NKAIN2: variants seen among roughly 807,000 people sequenced by gnomAD.
The protein encoded by NKAIN2 is sodium/potassium transporting ATPase interacting 2.
A neutral mutation model predicts 32.6 loss-of-function variants in NKAIN2; 14 were observed. The observed-to-expected ratio is 0.43, with a 90% CI of 0.28 to 0.67. The LOEUF (loss-of-function observed/expected upper bound fraction) is 0.67, where lower values mean the gene tolerates loss of function less well. Among genes scored for constraint, NKAIN2 ranks in the 30% least tolerant of loss-of-function variants. NKAIN2 has a pLI of 0.17. For missense variants in NKAIN2, 198 were observed against 258.3 expected, an observed-to-expected ratio of 0.77 and a Z score of 1.60; for synonymous variants, 80 against 87.2, an observed-to-expected ratio of 0.92 and a Z score of 0.46.
At chr6:124,815,659 A>G (rs1458231231) in intron 5 of NKAIN2, among the ~76,000 whole-genome samples, 1 of 144,130 alleles carries the variant, frequency 6.9e-6, no homozygotes, top group Non-Finnish European at 1.6e-5. Flanking sequence ...CTAAGGTACA[A>G]TGTAGAAGAC....
chr6:123,863,508 C>T (rs953971312), intron 1 of NKAIN2, among the ~76,000 whole-genome samples: 59 of 152,186 alleles, frequency 3.9e-4, no homozygotes, highest in Non-Finnish European at 5.6e-4. Flanking sequence ...CTCAGCCCTT[C>T]TTGGAGTTTC....
At chr6:124,226,983 C>A (rs1792148590) in intron 1 of NKAIN2, among the ~76,000 whole-genome samples, 1 of 151,302 alleles carries the variant, frequency 6.6e-6, no homozygotes, top group African/African-American at 2.4e-5. Context: ...CTCTATCTCA[C>A]AGGTGAAGCT....
At chr6:124,718,345 G>A (rs1171411533) in intron 4 of NKAIN2, among the ~76,000 whole-genome samples, 1 of 152,058 alleles carries the variant, frequency 6.6e-6, no homozygotes, top group Admixed American at 6.6e-5. Flanking sequence ...TGTCTTTAGT[G>A]ACTGGCTTCT....
chr6:124,808,100 T>C (rs548273607), intron 5 of NKAIN2, among the ~76,000 whole-genome samples: 92 of 151,612 alleles, frequency 6.1e-4, no homozygotes, highest in Non-Finnish European at 1.3e-3. Context: ...TTCCAATCAA[T>C]AGAAAAAGAG....
At chr6:124,106,942 A>C (rs78016440) in intron 1 of NKAIN2, among the ~76,000 whole-genome samples, 4,342 of 152,288 alleles carry the variant, frequency 0.029, 205 homozygotes, top group African/African-American at 0.097. Flanking sequence ...ACCATATTAG[A>C]GATAGGCACT....
intron 3 of NKAIN2, among the ~76,000 whole-genome samples, chr6:124,542,708 C>T (rs1313589163): frequency 6.6e-6 from 1 of 152,126 alleles, no homozygotes; most frequent in Non-Finnish European, 1.5e-5. Flanking sequence ...TCTTTAAAGG[C>T]TCTTTACAGA....
At chr6:124,226,160 T>C (rs749401192) in intron 1 of NKAIN2, among the ~76,000 whole-genome samples, 7 of 152,048 alleles carry the variant, frequency 4.6e-5, no homozygotes, top group Non-Finnish European at 8.8e-5. Flanking sequence ...TTTGTATTTT[T>C]TTCCTATGTA....
intron 1 of NKAIN2, among the ~76,000 whole-genome samples, chr6:124,224,519 G>A (rs1432136279): frequency 6.6e-6 from 1 of 151,946 alleles, no homozygotes; most frequent in African/African-American, 2.4e-5. Flanking sequence ...CCCAGAAATA[G>A]CCTAGATACA....
At chr6:123,805,279 A>G (rs1406779425) in intron 1 of NKAIN2, among the ~76,000 whole-genome samples, 1 of 152,254 alleles carries the variant, frequency 6.6e-6, no homozygotes, top group Non-Finnish European at 1.5e-5. Flanking sequence ...ACTACAAGGC[A>G]GAAGATGTTT....
intron 1 of NKAIN2, among the ~76,000 whole-genome samples, chr6:124,161,655 G>T (rs191155786): frequency 9.8e-4 from 149 of 152,194 alleles, no homozygotes; most frequent in African/African-American, 3.5e-3. Context: ...TTATAAGGGT[G>T]CAGAAACTTT....
chr6:123,938,236 G>T (rs540981600), intron 1 of NKAIN2, among the ~76,000 whole-genome samples: 2 of 151,196 alleles, frequency 1.3e-5, no homozygotes, highest in South Asian at 4.2e-4. Context: ...AAAGGGAAGG[G>T]CAGATGCCAT....
chr6:123,962,388 C>G (rs141354230), intron 1 of NKAIN2, among the ~76,000 whole-genome samples: 1 of 152,126 alleles, frequency 6.6e-6, no homozygotes, highest in Non-Finnish European at 1.5e-5. Context: ...AAGATGGACA[C>G]GATTCTATTT....
At chr6:124,399,675 G>C (rs1216858194) in intron 3 of NKAIN2, among the ~76,000 whole-genome samples, 2 of 152,186 alleles carry the variant, frequency 1.3e-5, no homozygotes, top group Non-Finnish European at 2.9e-5. Context: ...CTGCTTAAGT[G>C]CCACCAACAA....
chr6:124,822,620 T>C (rs1276875625), intron 6 of NKAIN2, among the ~76,000 whole-genome samples: 1 of 152,214 alleles, frequency 6.6e-6, no homozygotes, highest in Non-Finnish European at 1.5e-5. Flanking sequence ...TCTTGGTTTG[T>C]AATTTTTCAG....
chr6:123,992,436 A>C (rs1258885452), intron 1 of NKAIN2, among the ~76,000 whole-genome samples: 1 of 152,198 alleles, frequency 6.6e-6, no homozygotes. Flanking sequence ...ACAAACAAAC[A>C]AACAAACGAA....
At chr6:124,299,795 C>T (rs998664446) in intron 2 of NKAIN2, among the ~76,000 whole-genome samples, 5 of 152,138 alleles carry the variant, frequency 3.3e-5, no homozygotes, top group South Asian at 2.1e-4. Context: ...ATGTTGCCTA[C>T]GAAAATGTAT....
intron 2 of NKAIN2, among the ~76,000 whole-genome samples, chr6:124,310,145 A>G (rs776224025): frequency 1.3e-4 from 20 of 152,192 alleles, no homozygotes; most frequent in Non-Finnish European, 1.8e-4. Context: ...CAAACCACGA[A>G]GAAAAATGAA....
In NKAIN2 at chr6:124,159,845, A is replaced by G. The variant is rs561638956; in HGVS notation, c.55-123160A>G. Reference sequence around the variant, plus strand: ...GCATATGGAAGAAAAATATAAATAAACCTGACCATGAAATACAGACAGCCA... The same window carrying G: ...GCATATGGAAGAAAAATATAAATAAGCCTGACCATGAAATACAGACAGCCA... On this transcript the variant is annotated intron_variant, in intron 1 of 6. Coordinates refer to ENST00000368417, the MANE Select transcript of NKAIN2 (RefSeq NM_001040214.3). Among the ~76,000 whole-genome samples the G allele has an allele frequency of 1.8e-4, 27 of 152,242 alleles. No homozygotes were observed. The South Asian group carries it at 4.6e-3, about 26-fold the overall frequency.
At chr6:124,503,385 C>A (rs1472514986) in intron 3 of NKAIN2, among the ~76,000 whole-genome samples, 1 of 152,048 alleles carries the variant, frequency 6.6e-6, no homozygotes, top group East Asian at 1.9e-4. Context: ...TTGGCACACT[C>A]TTTTTTTCAT....
Sources: gnomAD v4.1 joint callset for allele counts (sites outside exome capture counted in the v4.1 genomes callset) on GRCh38, gnomAD v4.1.1 for gene constraint, MANE v1.5 for transcripts, NCBI Gene and HGNC (gene_info 2026-07-23, HGNC 2026-07-21) for gene names.